The following CSNK2A2IP variants were observed in gnomAD, a reference collection of about 807,000 sequenced individuals.
The protein encoded by CSNK2A2IP is casein kinase II subunit alpha'-interacting protein.
chr3:88,420,766 G>A, the CSNK2A2IP span, among the ~76,000 whole-genome samples: 15 of 152,074 alleles, frequency 9.9e-5, no homozygotes, highest in African/African-American at 3.4e-4. Flanking sequence ...ATAAGTATAC[G>A]ACAGCTAGGA....
At chr3:88,349,419 A>T in the CSNK2A2IP span, among the ~76,000 whole-genome samples, 2 of 152,142 alleles carry the variant, frequency 1.3e-5, no homozygotes, top group Non-Finnish European at 2.9e-5. Flanking sequence ...CTTCGCTTAG[A>T]ATAACGGCTT....
the CSNK2A2IP span, among the ~76,000 whole-genome samples, chr3:88,357,710 G>A: frequency 1.2e-3 from 180 of 151,792 alleles, no homozygotes; most frequent in Non-Finnish European, 9.4e-4. Flanking sequence ...TCCAATTAAT[G>A]AACATAAAAT....
the CSNK2A2IP span, among the ~76,000 whole-genome samples, chr3:88,360,046 G>T: frequency 6.6e-6 from 1 of 151,794 alleles, no homozygotes; most frequent in Non-Finnish European, 1.5e-5. Flanking sequence ...CTTCAGTGTT[G>T]GGTGTATATA....
the CSNK2A2IP span, among the ~76,000 whole-genome samples, chr3:88,422,734 G>A: frequency 6.6e-6 from 1 of 152,118 alleles, no homozygotes; most frequent in Non-Finnish European, 1.5e-5. Flanking sequence ...ATTACTAGAA[G>A]CCCTAGTGAG....
the CSNK2A2IP span, among the ~76,000 whole-genome samples, chr3:88,455,303 A>G: frequency 6.6e-6 from 1 of 151,940 alleles, no homozygotes; most frequent in Non-Finnish European, 1.5e-5. Context: ...ACTATTTTTT[A>G]CAATGGCTGT....
At chr3:88,380,794 G>A in the CSNK2A2IP span, among the ~76,000 whole-genome samples, 1 of 152,140 alleles carries the variant, frequency 6.6e-6, no homozygotes, top group Non-Finnish European at 1.5e-5. Context: ...GAAAAAGAGA[G>A]TAAAGGGTGT....
the CSNK2A2IP span, among the ~76,000 whole-genome samples, chr3:88,367,764 TG>T: frequency 6.6e-6 from 1 of 152,118 alleles, no homozygotes; most frequent in Non-Finnish European, 1.5e-5. Context: ...CTAAATAATT[TG>T]TTCTTTGGGC....
chr3:88,457,326 T>C, the CSNK2A2IP span, among the ~76,000 whole-genome samples: 1 of 152,154 alleles, frequency 6.6e-6, no homozygotes, highest in Non-Finnish European at 1.5e-5. Flanking sequence ...TTACATATTG[T>C]TGGATTTGAC....
At chr3:88,355,920 A>G in the CSNK2A2IP span, among the ~76,000 whole-genome samples, 14 of 152,220 alleles carry the variant, frequency 9.2e-5, no homozygotes, top group Admixed American at 7.9e-4. Flanking sequence ...ATTGTCCCAT[A>G]GTTAACCGAT....
At chr3:88,341,620 A>G in the CSNK2A2IP span, among the ~76,000 whole-genome samples, 13 of 151,722 alleles carry the variant, frequency 8.6e-5, no homozygotes, top group Non-Finnish European at 1.8e-4. Context: ...CACAGGAAAA[A>G]AAAACTCTTA....
At chr3:88,429,843 C>T in the CSNK2A2IP span, among the ~76,000 whole-genome samples, 3 of 152,128 alleles carry the variant, frequency 2.0e-5, no homozygotes, top group Non-Finnish European at 4.4e-5. Context: ...AGCTCCGCCT[C>T]CCGGGTTCAC....
chr3:88,422,950 G>GA, the CSNK2A2IP span, among the ~76,000 whole-genome samples: 1 of 152,080 alleles, frequency 6.6e-6, no homozygotes, highest in African/African-American at 2.4e-5. Flanking sequence ...GTTGCTTTCT[G>GA]AAAAAATGAA....
the CSNK2A2IP span, among the ~76,000 whole-genome samples, chr3:88,443,072 C>T: frequency 0.014 from 2,071 of 151,934 alleles, 40 homozygotes; most frequent in African/African-American, 0.048. Flanking sequence ...CCTTAGGTAC[C>T]CCAGTCTGAA....
chr3:88,396,053 C>T, the CSNK2A2IP span, among the ~76,000 whole-genome samples: 1 of 149,000 alleles, frequency 6.7e-6, no homozygotes, highest in African/African-American at 2.5e-5. Flanking sequence ...AAGAAACAGA[C>T]ATTGATAAAA....
At chr3:88,355,108 T>A in the CSNK2A2IP span, among the ~76,000 whole-genome samples, 1 of 152,126 alleles carries the variant, frequency 6.6e-6, no homozygotes, top group Non-Finnish European at 1.5e-5. Flanking sequence ...AGAGTCGTTA[T>A]GTCATTGGAG....
chr3:88,449,492 A>G, the CSNK2A2IP span, among the ~76,000 whole-genome samples: 1 of 151,926 alleles, frequency 6.6e-6, no homozygotes, highest in Non-Finnish European at 1.5e-5. Context: ...TCTTTCTCAT[A>G]GGTTTTAGGA....
chr3:88,359,172 T>A, the CSNK2A2IP span, among the ~76,000 whole-genome samples: 1 of 151,924 alleles, frequency 6.6e-6, no homozygotes, highest in Non-Finnish European at 1.5e-5. Context: ...TTTATTGGCA[T>A]ATAGTTGCTC....
At chr3:88,467,558 A>G in the CSNK2A2IP span, 1 of 398,502 alleles carries the variant, frequency 2.5e-6, no homozygotes. Context: ...TTCCGGACAA[A>G]ATGAGAAATT....
At chr3:88,376,064 A>G in the CSNK2A2IP span, among the ~76,000 whole-genome samples, 1 of 151,716 alleles carries the variant, frequency 6.6e-6, no homozygotes, top group South Asian at 2.1e-4. Flanking sequence ...TATTCTTTTC[A>G]TCTTACTCTG....
Sources: allele counts gnomAD v4.1 joint callset (sites outside exome capture counted in the v4.1 genomes callset), GRCh38; gene constraint gnomAD v4.1.1; transcripts MANE v1.5; gene names NCBI Gene and HGNC (gene_info 2026-07-23, HGNC 2026-07-21).